ATP6V1H: variants seen among roughly 807,000 people sequenced by gnomAD.
ATP6V1H encodes V-type proton ATPase subunit H.
Under a neutral mutation model 71.7 loss-of-function variants are expected in ATP6V1H, and 39 were observed. The ratio of observed to expected loss-of-function variants is 0.54; its 90% confidence interval spans 0.42 to 0.71. The LOEUF (loss-of-function observed/expected upper bound fraction) is 0.71, where lower values mean the gene tolerates loss of function less well. Among genes scored for constraint, ATP6V1H ranks in the 30% least tolerant of loss-of-function variants. The pLI, the probability that ATP6V1H is intolerant of heterozygous loss-of-function variation, is 0.00. For missense variants in ATP6V1H, 509 were observed against 594.9 expected (o/e 0.86, Z 1.50); for synonymous variants, 192 against 199.3 (o/e 0.96, Z 0.31).
In ATP6V1H at chr8:53,801,811, T is replaced by C. The variant is rs1020627629; in HGVS notation, c.665A>G (p.Asp222Gly). ...AAAGGGCACTCACCAATTTACCCCATCTGCTTCCACCCAAGCAAAGCGGTA... is the reference window on the plus strand; with the variant it reads ...AAAGGGCACTCACCAATTTACCCCACCTGCTTCCACCCAAGCAAAGCGGTA... Reference protein sequence around the residue: ...NEYRFAWVEADGVNCIMGVLS... With the variant: ...NEYRFAWVEAGGVNCIMGVLS... Residue 222 changes from aspartate (D) to glycine (G), a missense_variant, in exon 8 of 14, where the codon GAT (aspartate) becomes GGT (glycine). Coordinates refer to ENST00000359530, the MANE Select transcript of ATP6V1H (RefSeq NM_015941.4). 4.3e-6 allele frequency: 7 copies of C among 1,613,924 alleles called. No individual in the cohort carries two copies. The highest frequency in any genetic ancestry group is 5.9e-6 in the Non-Finnish European group (7 of 1,179,920).
intron 13 of ATP6V1H, among the ~76,000 whole-genome samples, chr8:53,740,407 G>A (rs1270597059): frequency 6.6e-6 from 1 of 152,140 alleles, no homozygotes; most frequent in African/African-American, 2.4e-5. Context: ...AAAAACCCAG[G>A]GATGCAGGCA....
intron 13 of ATP6V1H, among the ~76,000 whole-genome samples, chr8:53,721,920 A>C (rs747586203): frequency 3.3e-5 from 5 of 152,238 alleles, no homozygotes; most frequent in Non-Finnish European, 7.3e-5. Flanking sequence ...AAAAAGGAAA[A>C]AGAGATCAGT....
intron 2 of ATP6V1H, among the ~76,000 whole-genome samples, chr8:53,837,858 G>A (rs951702688): frequency 1.3e-5 from 2 of 152,166 alleles, no homozygotes; most frequent in Admixed American, 1.3e-4. Context: ...ACACAGGATC[G>A]CACTCAGATT....
At chr8:53,798,134 C>A (rs1008233880) in intron 8 of ATP6V1H, among the ~76,000 whole-genome samples, 6 of 152,066 alleles carry the variant, frequency 3.9e-5, no homozygotes, top group African/African-American at 1.4e-4. Flanking sequence ...CATAGGTATA[C>A]AAATAAACAG....
intron 3 of ATP6V1H, chr8:53,832,114 T>C (rs1811026937): frequency 6.6e-6 from 1 of 152,110 alleles, no homozygotes. Context: ...TTTACAGGCA[T>C]AGTAGGGAAG....
At chr8:53,772,714 T>A (rs960012218) in intron 9 of ATP6V1H, among the ~76,000 whole-genome samples, 2 of 152,182 alleles carry the variant, frequency 1.3e-5, no homozygotes, top group Non-Finnish European at 2.9e-5. Context: ...TCTAGGATTT[T>A]CTATTTTTAA....
At chr8:53,745,567 A>T (rs1453003003) in intron 12 of ATP6V1H, among the ~76,000 whole-genome samples, 1 of 152,074 alleles carries the variant, frequency 6.6e-6, no homozygotes, top group Non-Finnish European at 1.5e-5. Flanking sequence ...ACAGCACCAT[A>T]GCTCCTGGCT....
intron 12 of ATP6V1H, among the ~76,000 whole-genome samples, chr8:53,752,798 C>G (rs1563449568): frequency 6.6e-6 from 1 of 152,148 alleles, no homozygotes; most frequent in Non-Finnish European, 1.5e-5. Context: ...GATCTGCCCC[C>G]CTCAGCCTCC....
intron 2 of ATP6V1H, among the ~76,000 whole-genome samples, chr8:53,834,090 G>A (rs1811087317): frequency 6.6e-6 from 1 of 152,146 alleles, no homozygotes; most frequent in Admixed American, 6.5e-5. Flanking sequence ...CTAGCCCCCT[G>A]TAAGACTCTG....
At position 53,715,934 on chromosome 8, in the gene ATP6V1H, T is replaced by G; in HGVS notation, c.*30A>C. 1 of 1,601,888 alleles carries G rather than the reference T, an allele frequency of 6.2e-7. No homozygotes were observed. Among genetic ancestry groups the G allele is most frequent in the African/African-American group, 1.3e-5 (1 of 74,894 alleles). On this transcript the variant is annotated 3_prime_UTR_variant, in exon 14 of 14. Transcript: ENST00000359530. ...CAGTGCTCCCACTACTGGTTCTGCATTGAGGCGGAGGGGAAGGCCAGAGGC... is the reference window on the plus strand; with the variant it reads ...CAGTGCTCCCACTACTGGTTCTGCAGTGAGGCGGAGGGGAAGGCCAGAGGC...
intron 9 of ATP6V1H, among the ~76,000 whole-genome samples, chr8:53,792,857 C>T (rs534776554): frequency 7.2e-5 from 11 of 152,276 alleles, no homozygotes; most frequent in African/African-American, 1.9e-4. Context: ...GTTAAAAGCA[C>T]GCATCATATT....
intron 13 of ATP6V1H, among the ~76,000 whole-genome samples, chr8:53,742,644 T>C (rs1372656870): frequency 6.6e-6 from 1 of 152,212 alleles, no homozygotes; most frequent in African/African-American, 2.4e-5. Context: ...ATAAATGTCA[T>C]TATTTATGAT....
intron 13 of ATP6V1H, among the ~76,000 whole-genome samples, chr8:53,732,747 G>T (rs1183607986): frequency 1.3e-5 from 2 of 151,642 alleles, no homozygotes; most frequent in Non-Finnish European, 2.9e-5. Flanking sequence ...AACAACAAGA[G>T]AAACCAGTTT....
chr8:53,802,805 T>C (rs978547883), intron 7 of ATP6V1H, among the ~76,000 whole-genome samples: 3 of 152,154 alleles, frequency 2.0e-5, no homozygotes, highest in African/African-American at 4.8e-5. Flanking sequence ...AAAACTTTAT[T>C]TAAAAACCCA....
Position 53,824,060 on chromosome 8 carries a change from T to G in ATP6V1H, c.306+5384A>C, listed in dbSNP as rs145895378. On this transcript the variant is annotated intron_variant, in intron 4 of 13. Coordinates refer to ENST00000359530, the MANE Select transcript of ATP6V1H (RefSeq NM_015941.4). Reference sequence around the variant, plus strand: ...TGACATGGGGGACATAATATGCAAATAGAGAAAAAAATTTGAAGCATAAGA... The same window carrying G: ...TGACATGGGGGACATAATATGCAAAGAGAGAAAAAAATTTGAAGCATAAGA... Among the ~76,000 whole-genome samples, 344 of 149,254 alleles carry G rather than the reference T, an allele frequency of 2.3e-3. 2 individuals carry two copies. Among genetic ancestry groups the G allele is most frequent in the African/African-American group, 8.0e-3 (327 of 40,810 alleles).
chr8:53,729,603 G>A (rs1361034637), intron 13 of ATP6V1H, among the ~76,000 whole-genome samples: 1 of 152,192 alleles, frequency 6.6e-6, no homozygotes, highest in Non-Finnish European at 1.5e-5. Flanking sequence ...CCCTGCTGTG[G>A]GGAGGAAGGG....
intron 2 of ATP6V1H, among the ~76,000 whole-genome samples, chr8:53,841,212 C>A (rs1256487875): frequency 1.3e-5 from 2 of 152,226 alleles, no homozygotes; most frequent in South Asian, 2.1e-4. Flanking sequence ...AAAAAGGCCA[C>A]CTGCCCCCAT....
At chr8:53,762,784 T>A (rs1808317829) in intron 11 of ATP6V1H, among the ~76,000 whole-genome samples, 1 of 152,186 alleles carries the variant, frequency 6.6e-6, no homozygotes, top group South Asian at 2.1e-4. Flanking sequence ...CTTGTACAGT[T>A]GACCATTGAA....
At chr8:53,837,091 A>G (rs181589382) in intron 2 of ATP6V1H, among the ~76,000 whole-genome samples, 12 of 152,266 alleles carry the variant, frequency 7.9e-5, no homozygotes, top group African/African-American at 2.6e-4. Flanking sequence ...CAGTGAGCCA[A>G]GAACGCACCA....
Sources: gnomAD v4.1 joint callset for allele counts (sites outside exome capture counted in the v4.1 genomes callset) on GRCh38, gnomAD v4.1.1 for gene constraint, MANE v1.5 for transcripts, NCBI Gene and HGNC (gene_info 2026-07-23, HGNC 2026-07-21) for gene names.